The following MARCHF1 variants were observed in gnomAD, a reference collection of about 807,000 sequenced individuals.
The protein encoded by MARCHF1 is E3 ubiquitin-protein ligase MARCHF1.
Under a neutral mutation model 54.2 loss-of-function variants are expected in MARCHF1, and 40 were observed. The observed-to-expected ratio is 0.74, with a 90% CI of 0.57 to 0.96. MARCHF1 has a LOEUF of 0.96. Ranked by LOEUF, MARCHF1 falls within the 40% of genes least tolerant of loss-of-function variation. The pLI is 0.00. For missense variants in MARCHF1, 586 were observed against 656.5 expected, an observed-to-expected ratio of 0.89 and a Z score of 1.17; for synonymous variants, 236 against 236.3, an observed-to-expected ratio of 1.00 and a Z score of 0.01.
intron 1 of MARCHF1, among the ~76,000 whole-genome samples, chr4:164,237,048 C>T (rs1433083986): frequency 6.6e-6 from 1 of 152,150 alleles, no homozygotes; most frequent in Non-Finnish European, 1.5e-5. Flanking sequence ...ATCCAACCAC[C>T]TCTTTCAAAT....
chr4:163,902,727 T>C (rs1298154886), intron 3 of MARCHF1, among the ~76,000 whole-genome samples: 1 of 152,218 alleles, frequency 6.6e-6, no homozygotes, highest in Non-Finnish European at 1.5e-5. Flanking sequence ...TCTTTGTTTC[T>C]AGAAAGCTTC....
intron 4 of MARCHF1, among the ~76,000 whole-genome samples, chr4:163,718,952 GAA>G (rs1193070126): frequency 1.3e-5 from 2 of 152,144 alleles, no homozygotes; most frequent in Non-Finnish European, 2.9e-5. Flanking sequence ...CTTTCTACAT[GAA>G]ATATTATACA....
At chr4:164,377,372 C>T (rs1405647883) in intron 1 of MARCHF1, among the ~76,000 whole-genome samples, 1 of 152,162 alleles carries the variant, frequency 6.6e-6, no homozygotes, top group Non-Finnish European at 1.5e-5. Context: ...AAACATAGTA[C>T]TAGCTTGTTA....
chr4:163,659,905 A>T (rs1743285810), intron 5 of MARCHF1, among the ~76,000 whole-genome samples: 1 of 152,106 alleles, frequency 6.6e-6, no homozygotes, highest in African/African-American at 2.4e-5. Context: ...AAACAACAAC[A>T]GCTGCTGGAG....
At chr4:164,010,223 C>T (rs114681674) in intron 2 of MARCHF1, among the ~76,000 whole-genome samples, 2,412 of 151,370 alleles carry the variant, frequency 0.016, 54 homozygotes, top group African/African-American at 0.052. Context: ...CATGCCACCA[C>T]GCTCAGCGTT....
intron 2 of MARCHF1, among the ~76,000 whole-genome samples, chr4:164,053,989 C>G (rs893769908): frequency 2.6e-5 from 4 of 151,974 alleles, no homozygotes; most frequent in African/African-American, 9.7e-5. Context: ...GAACAGGCAA[C>G]CTACAACATG....
At chr4:164,364,284 T>A (rs1463888873) in intron 1 of MARCHF1, among the ~76,000 whole-genome samples, 1 of 152,086 alleles carries the variant, frequency 6.6e-6, no homozygotes, top group African/African-American at 2.4e-5. Context: ...AGTAAAAACG[T>A]GAGTAAAGGA....
intron 1 of MARCHF1, among the ~76,000 whole-genome samples, chr4:164,142,476 A>T (rs1756571988): frequency 6.6e-6 from 1 of 152,170 alleles, no homozygotes. Flanking sequence ...TGGAGATCTG[A>T]GAACCAGCAG....
intron 1 of MARCHF1, among the ~76,000 whole-genome samples, chr4:164,350,741 G>T (rs545643356): frequency 6.6e-5 from 10 of 152,312 alleles, no homozygotes; most frequent in Admixed American, 5.9e-4. Context: ...CAGTTCAATA[G>T]TATTGTTGGG....
intron 3 of MARCHF1, among the ~76,000 whole-genome samples, chr4:163,941,593 A>G (rs997453488): frequency 2.6e-5 from 4 of 152,134 alleles, no homozygotes; most frequent in African/African-American, 7.2e-5. Context: ...CATACATAAC[A>G]AACAACAAAA....
At chr4:163,970,574 C>T (rs1308906575) in intron 3 of MARCHF1, among the ~76,000 whole-genome samples, 1 of 152,172 alleles carries the variant, frequency 6.6e-6, no homozygotes, top group African/African-American at 2.4e-5. Context: ...AAGACAAATA[C>T]AGTGTAAAGA....
chr4:163,681,114 C>T (rs1053791763), intron 5 of MARCHF1, among the ~76,000 whole-genome samples: 1 of 151,890 alleles, frequency 6.6e-6, no homozygotes, highest in Non-Finnish European at 1.5e-5. Flanking sequence ...AACTTATTTG[C>T]GAACAGCATC....
chr4:163,905,543 T>C (rs182640295), intron 3 of MARCHF1, among the ~76,000 whole-genome samples: 5 of 152,130 alleles, frequency 3.3e-5, no homozygotes, highest in East Asian at 3.9e-4. Flanking sequence ...AAATAAAGCA[T>C]TGAAAGGAAG....
At chr4:163,752,321 A>G (rs887023788) in intron 4 of MARCHF1, among the ~76,000 whole-genome samples, 1 of 152,204 alleles carries the variant, frequency 6.6e-6, no homozygotes, top group African/African-American at 2.4e-5. Flanking sequence ...CCTGTGGAGA[A>G]AAGAGTTCAA....
chr4:163,542,838 C>T (rs1425362469), intron 9 of MARCHF1, among the ~76,000 whole-genome samples: 1 of 152,186 alleles, frequency 6.6e-6, no homozygotes, highest in African/African-American at 2.4e-5. Flanking sequence ...AATAACGATC[C>T]TACTTCAGGG....
chr4:163,931,047 A>AT (rs1266586496), intron 3 of MARCHF1, among the ~76,000 whole-genome samples: 2 of 152,102 alleles, frequency 1.3e-5, no homozygotes, highest in Non-Finnish European at 2.9e-5. Context: ...CTCTAATCCC[A>AT]TAAGTTTGCT....
chr4:163,586,007 ACTAGGG>A (rs1740399311), intron 7 of MARCHF1, 78 bp from the exon 8 acceptor site: 1 of 1,295,738 alleles, frequency 7.7e-7, no homozygotes, highest in Non-Finnish European at 1.0e-6. Context: ...CCTTGCTTAT[ACTAGGG>A]CTATTATAAA....
chr4:164,228,481 T>C lies in MARCHF1; in HGVS notation c.-322-116819A>G, dbSNP rs1732318586. Among the ~76,000 whole-genome samples the C allele has an allele frequency of 4.6e-5, 7 of 152,180 alleles. No individual in the cohort carries two copies. In the South Asian group the frequency reaches 1.4e-3, roughly 31 times the overall value. On this transcript the variant is annotated intron_variant, in intron 1 of 9. Transcript: ENST00000514618. ...GTAGTTAATCTGCATGTGGAACCCT[T>C]TGGTGTACCATGGAGGTTCCTCCAA...
chr4:164,076,478 A>G (rs988345446), intron 2 of MARCHF1, among the ~76,000 whole-genome samples: 42 of 152,370 alleles, frequency 2.8e-4, no homozygotes, highest in African/African-American at 9.4e-4. Flanking sequence ...GAAAACTGGC[A>G]TAAGACAAGG....
Sources: gnomAD v4.1 joint callset for allele counts (sites outside exome capture counted in the v4.1 genomes callset) on GRCh38, gnomAD v4.1.1 for gene constraint, MANE v1.5 for transcripts, NCBI Gene and HGNC (gene_info 2026-07-23, HGNC 2026-07-21) for gene names.